ZNF331: variants seen among roughly 807,000 people sequenced by gnomAD.
ZNF331 encodes C2H2-like zinc finger protein rearranged in thyroid adenomas.
Under a neutral mutation model 7.0 loss-of-function variants are expected in ZNF331, and 2 were observed. The observed-to-expected ratio is 0.29, with a 90% confidence interval of 0.12 to 0.90. The LOEUF (loss-of-function observed/expected upper bound fraction) is 0.90, where lower values mean the gene tolerates loss of function less well. Ranked by LOEUF, ZNF331 falls within the 40% of genes least tolerant of loss-of-function variation. ZNF331 has a pLI of 0.58. For missense variants in ZNF331, 432 were observed against 587.7 expected (o/e 0.74, Z 2.74); for synonymous variants, 196 against 205.4 (o/e 0.95, Z 0.39).
In ZNF331 at chr19:53,560,850, T is replaced by A. The variant is rs1305543398; in HGVS notation, c.-74+4942T>A. On this transcript the variant is annotated intron_variant, in intron 3 of 5. Coordinates refer to ENST00000449416, the MANE Select transcript of ZNF331 (RefSeq NM_001079906.2). This position sits in a 1 kb window ranked among gnomAD's most constrained non-coding sequence, Gnocchi z 4.3. ...TTCTATAACTCAAGAGAATCTTCCG[T>A]ATGTTAGAGGCAGCCGATTAGCCAT... 6.6e-6 allele frequency among the ~76,000 whole-genome samples: 1 copy of A among 152,190 alleles called. No homozygotes were observed. The highest frequency in any genetic ancestry group is 1.5e-5 in the Non-Finnish European group (1 of 68,048).
chr19:53,562,641 G>A (rs2089948826), intron 3 of ZNF331, among the ~76,000 whole-genome samples: 1 of 151,740 alleles, frequency 6.6e-6, no homozygotes. Context: ...AGTGAGCCAA[G>A]ATCGCTCCAC....
rs1346899082 is a variant in ZNF331 at position 53,558,464 on chromosome 19, G to A, written c.-74+2556G>A. 6.6e-6 allele frequency among the ~76,000 whole-genome samples: 1 copy of A among 152,028 alleles called. No individual in the cohort carries two copies. The highest frequency in any genetic ancestry group is 1.5e-5 in the Non-Finnish European group (1 of 68,008). ...TTAGGCCTTTTATGGAGACTTCATTGGATAGGTGTGACTGAAGCATGCACG... is the reference window on the plus strand; with the variant it reads ...TTAGGCCTTTTATGGAGACTTCATTAGATAGGTGTGACTGAAGCATGCACG... On this transcript the variant is annotated intron_variant, in intron 3 of 5. Transcript: ENST00000449416. The surrounding 1 kb of genome is among the most constrained non-coding windows in gnomAD (Gnocchi z 4.5).
chr19:53,506,430 C>G, the ZNF331 span, among the ~76,000 whole-genome samples: 626 of 94,076 alleles, frequency 6.7e-3, 10 homozygotes, highest in African/African-American at 0.032. Context: ...CTCTCTCTCT[C>G]TCTCTCTCTC....
chr19:53,543,067 C>T (rs144719082), intron 2 of ZNF331, among the ~76,000 whole-genome samples: 3,307 of 152,150 alleles, frequency 0.022, 60 homozygotes, highest in Middle Eastern at 0.048. Flanking sequence ...CCTCAGCCTC[C>T]GAAAGTGCTG....
chr19:53,529,817 G>A (rs1181538285), intron 2 of ZNF331, among the ~76,000 whole-genome samples: 4 of 152,158 alleles, frequency 2.6e-5, no homozygotes, highest in African/African-American at 9.7e-5. Context: ...CCAGCAAGGA[G>A]GGGAAACTGA....
upstream of ZNF331, among the ~76,000 whole-genome samples, chr19:53,520,005 CT>C (rs1452958102): frequency 6.6e-6 from 1 of 152,024 alleles, no homozygotes; most frequent in African/African-American, 2.4e-5. Flanking sequence ...AATTTTTGAA[CT>C]TTTCCCAAAT....
chr19:53,563,992 C>T (rs567399026), intron 3 of ZNF331, among the ~76,000 whole-genome samples: 62 of 143,076 alleles, frequency 4.3e-4, no homozygotes, highest in South Asian at 1.1e-3. Context: ...GAGATCACAC[C>T]GTTGCACTCC....
intron 1 of ZNF331, chr19:53,522,221 G>A (rs1367909625): frequency 1.3e-5 from 2 of 151,432 alleles, no homozygotes; most frequent in African/African-American, 4.9e-5. Context: ...TTTTAACTGT[G>A]GTCTGGGGAC....
At chr19:53,533,454 T>C (rs2087619278), upstream of ZNF331, among the ~76,000 whole-genome samples, 1 of 152,226 alleles carries the variant, frequency 6.6e-6, no homozygotes, top group African/African-American at 2.4e-5. Flanking sequence ...GAGAAGAATA[T>C]GTATTCTGCT....
intron 2 of ZNF331, among the ~76,000 whole-genome samples, chr19:53,527,687 C>A (rs2087358986): frequency 6.6e-6 from 1 of 152,192 alleles, no homozygotes; most frequent in Non-Finnish European, 1.5e-5. Flanking sequence ...CTCTTCAAAT[C>A]TTAGTTTGTG....
the ZNF331 span, chr19:53,512,505 G>T: frequency 0.22 from 33,591 of 150,934 alleles, 3,400 homozygotes; most frequent in Middle Eastern, 0.27. Context: ...CCCTTACCCA[G>T]TGAGGGCCCG....
intron 3 of ZNF331, among the ~76,000 whole-genome samples, chr19:53,559,131 A>C (rs2089642169): frequency 7.1e-6 from 1 of 141,842 alleles, no homozygotes; most frequent in South Asian, 2.2e-4. Flanking sequence ...ATACACACAC[A>C]CCCCATGTAC....
the ZNF331 span, among the ~76,000 whole-genome samples, chr19:53,506,400 ACTCTCTCTCTCCTCTCTCTCTCT>A: frequency 1.9e-3 from 202 of 105,566 alleles, 4 homozygotes; most frequent in African/African-American, 6.9e-3. Flanking sequence ...CCACATACAC[ACTCTCTCTCTCCTCTCTCTCTCT>A]CTCTCTCTCT....
intron 5 of ZNF331, among the ~76,000 whole-genome samples, chr19:53,572,540 C>CAT (rs2090496843): frequency 2.5e-5 from 3 of 119,118 alleles, no homozygotes; most frequent in African/African-American, 1.2e-4. Flanking sequence ...TATATACACA[C>CAT]ACATATATAT....
At chr19:53,537,680 CTG>C (rs1416964705), upstream of ZNF331, 1 of 152,324 alleles carries the variant, frequency 6.6e-6, no homozygotes, top group Admixed American at 6.5e-5. Flanking sequence ...GCTTGGGGCT[CTG>C]GTTTCCCCCG....
intron 2 of ZNF331, among the ~76,000 whole-genome samples, chr19:53,542,745 TAAC>T (rs1168638983): frequency 2.6e-5 from 4 of 152,246 alleles, no homozygotes; most frequent in African/African-American, 9.6e-5. Flanking sequence ...ATTTCATTCT[TAAC>T]ATCAGACTCT....
the ZNF331 span, among the ~76,000 whole-genome samples, chr19:53,507,860 C>T: frequency 3.3e-5 from 5 of 152,028 alleles, no homozygotes; most frequent in South Asian, 2.1e-4. Flanking sequence ...ATTAGCTGGA[C>T]GTAGTGGCAG....
intron 2 of ZNF331, among the ~76,000 whole-genome samples, chr19:53,528,209 C>T (rs2708763): frequency 0.34 from 52,446 of 152,020 alleles, 9,765 homozygotes; most frequent in African/African-American, 0.49. Flanking sequence ...CATTTTCTTA[C>T]GTGTCTTAGA....
In ZNF331 at chr19:53,562,370, C is replaced by G. The variant is rs1019724113; in HGVS notation, c.-74+6462C>G. On this transcript the variant is annotated intron_variant, in intron 3 of 5. Coordinates refer to ENST00000449416, the MANE Select transcript of ZNF331 (RefSeq NM_001079906.2). ...TAAGATGGCAATAGTTAAAAATGTT[C>G]ACATGTATCTTCCATTTCACATAGA... Among the ~76,000 whole-genome samples the G allele has an allele frequency of 2.0e-5, 3 of 151,974 alleles. No individual in the cohort carries two copies. The South Asian group carries it at 6.2e-4, about 32-fold the overall frequency.
Sources: allele counts gnomAD v4.1 joint callset (sites outside exome capture counted in the v4.1 genomes callset), GRCh38; gene constraint gnomAD v4.1.1; non-coding constraint Gnocchi (gnomAD v3.1); transcripts MANE v1.5; gene names NCBI Gene and HGNC (gene_info 2026-07-23, HGNC 2026-07-21).